The following IRAK4 variants were observed in gnomAD, a reference collection of about 807,000 sequenced individuals.
IRAK4 encodes interleukin-1 receptor-associated kinase 4.
A neutral mutation model predicts 51.8 loss-of-function variants in IRAK4; 44 were observed. The observed-to-expected ratio is 0.85, with a 90% confidence interval of 0.67 to 1.09. The LOEUF (loss-of-function observed/expected upper bound fraction) is 1.09. Among genes scored for constraint, IRAK4 ranks in the 50% least tolerant of loss-of-function variants. IRAK4 has a pLI of 0.00. For missense variants in IRAK4, 487 were observed against 538.0 expected, an observed-to-expected ratio of 0.91 and a Z score of 0.94; for synonymous variants, 149 against 174.1, an observed-to-expected ratio of 0.86 and a Z score of 1.13.
At chr12:43,782,559 A>G in intron 9 of IRAK4, 69 bp downstream of exon 9, 1 of 1,232,118 alleles carries the variant, frequency 8.1e-7, no homozygotes, top group Non-Finnish European at 1.2e-6. Flanking sequence ...AGAGAATATT[A>G]TTTAATACAC....
chr12:43,760,641 A>G (rs4251430), intron 1 of IRAK4, among the ~76,000 whole-genome samples: 2 of 152,180 alleles, frequency 1.3e-5, no homozygotes, highest in African/African-American at 2.4e-5. Context: ...TTTGTCCACA[A>G]ACTTTTCCCA....
intron 3 of IRAK4, 73 bp downstream of exon 3, chr12:43,771,438 T>C (rs1940751637): frequency 5.4e-6 from 8 of 1,472,920 alleles, no homozygotes; most frequent in Non-Finnish European, 7.6e-6. Context: ...ATGTTTCTTC[T>C]TACTCTTCCT....
chr12:43,768,041 A>C, intron 1 of IRAK4, 62 bp from the exon 2 acceptor site: 3 of 1,218,576 alleles, frequency 2.5e-6, no homozygotes, highest in East Asian at 2.4e-5. Context: ...GTGATATATA[A>C]GCTTACAGAT....
chr12:43,771,388 G>A (rs1940745590), intron 3 of IRAK4, 23 bp downstream of exon 3: 1 of 1,613,056 alleles, frequency 6.2e-7, no homozygotes, highest in South Asian at 1.1e-5. Context: ...TGACCAGGGT[G>A]TCCACAATTA....
chr12:43,770,607 C>T (rs758478246), intron 2 of IRAK4, among the ~76,000 whole-genome samples: 2 of 152,142 alleles, frequency 1.3e-5, no homozygotes, highest in Admixed American at 1.3e-4. Context: ...TCATCTTTGG[C>T]ATCTTTTTTC....
chr12:43,764,044 T>G (rs1478236141), intron 1 of IRAK4, among the ~76,000 whole-genome samples: 3 of 152,230 alleles, frequency 2.0e-5, no homozygotes, highest in Non-Finnish European at 4.4e-5. Context: ...ATTTTATTGT[T>G]GCTTCAACTG....
chr12:43,788,017 A>C lies in IRAK4; in HGVS notation c.*1302A>C, dbSNP rs554628455. 5.9e-5 allele frequency: 9 copies of C among 152,322 alleles called. No individual in the cohort carries two copies. The highest frequency in any genetic ancestry group is 1.2e-4 in the Non-Finnish European group (8 of 68,184). The allele number at this position is 152,322 out of a possible 1,614,324, so 9.4% of individuals were successfully genotyped here. A position where few individuals can be genotyped will look rare whatever the true frequency, so the allele number is the denominator to read the frequency against. ...GGTTGCAGTGAGCTGAGATCGTGCC[A>C]CTGCACTCCAGCCTGGGTGACAGAG... On this transcript the variant is annotated 3_prime_UTR_variant, in exon 12 of 12. Transcript: ENST00000613694.
intron 2 of IRAK4, among the ~76,000 whole-genome samples, chr12:43,770,025 ATTGGTGAATC>A (rs970800900): frequency 2.6e-5 from 4 of 152,208 alleles, no homozygotes; most frequent in Admixed American, 1.3e-4. Flanking sequence ...CAATTATTCA[ATTGGTGAATC>A]TAGGTGAATG....
chr12:43,782,326 G>A lies in IRAK4; in HGVS notation c.961G>A (p.Glu321Lys), dbSNP rs780917972. Residue 321 changes from glutamate to lysine, a missense_variant, in exon 9 of 12, where the codon GAA (glutamate) becomes AAA (lysine). Transcript: ENST00000613694. ...DIKSANILLD[E>K]AFTAKISDFG... ...TTTCAGTGCAAATATCTTACTGGAT[G>A]AAGCTTTTACTGCTAAAATATCTGA... 1 of 1,613,224 alleles carries A rather than the reference G, an allele frequency of 6.2e-7. No homozygotes were observed. The highest frequency in any genetic ancestry group is 8.5e-7 in the Non-Finnish European group (1 of 1,179,282).
At chr12:43,780,923 T>C (rs972657171) in intron 8 of IRAK4, among the ~76,000 whole-genome samples, 1 of 152,222 alleles carries the variant, frequency 6.6e-6, no homozygotes, top group African/African-American at 2.4e-5. Context: ...CTGCTACTTA[T>C]ATGTGAGTGT....
At chr12:43,777,780 G>A (rs779874942) in intron 7 of IRAK4, 36 bp downstream of exon 7, 21 of 1,477,844 alleles carry the variant, frequency 1.4e-5, no homozygotes, top group Non-Finnish European at 2.0e-5. Flanking sequence ...TTGGCTTTTT[G>A]TTTATATGCT....
intron 11 of IRAK4, 26 bp from the exon 12 acceptor site, chr12:43,786,654 T>C (rs1565689505): frequency 6.2e-7 from 1 of 1,612,346 alleles, no homozygotes; most frequent in Non-Finnish European, 8.5e-7. Flanking sequence ...ATGTGGTTCT[T>C]TTGTTTTTTT....
At chr12:43,771,561 A>G (rs1433794418) in intron 3 of IRAK4, among the ~76,000 whole-genome samples, 196 bp downstream of exon 3, 1 of 152,236 alleles carries the variant, frequency 6.6e-6, no homozygotes, top group African/African-American at 2.4e-5. Context: ...TGCTAAGGTG[A>G]TAGAAGCTTC....
At chr12:43,769,596 G>A (rs996425213) in intron 2 of IRAK4, among the ~76,000 whole-genome samples, 3 of 152,142 alleles carry the variant, frequency 2.0e-5, no homozygotes, top group African/African-American at 7.2e-5. Flanking sequence ...AGGCTGCAGT[G>A]AGCCATGATC....
chr12:43,766,728 A>G (rs1940188637), intron 1 of IRAK4, among the ~76,000 whole-genome samples: 1 of 152,164 alleles, frequency 6.6e-6, no homozygotes, highest in Non-Finnish European at 1.5e-5. Flanking sequence ...TGTAAAATAG[A>G]GATGATAAAA....
At position 43,773,203 on chromosome 12, in the gene IRAK4, A is replaced by T. The variant is rs1199586913; in HGVS notation, c.651+131A>T. On this transcript the variant is annotated intron_variant, in intron 5 of 11. Coordinates refer to ENST00000613694, the MANE Select transcript of IRAK4 (RefSeq NM_016123.4). Reference sequence around the variant, plus strand: ...TCTTTAAATAAACATCATTCTAAATAGTAGTTCTTAAAATTTTAAAATCTG... The same window carrying T: ...TCTTTAAATAAACATCATTCTAAATTGTAGTTCTTAAAATTTTAAAATCTG... The T allele has an allele frequency of 4.5e-6, 4 of 889,436 alleles. No individual in the cohort carries two copies. The East Asian group carries it at 1.1e-4, about 25-fold the overall frequency. The allele number at this position is 889,436 out of a possible 1,614,324, so 55.1% of individuals were successfully genotyped here. A position where few individuals can be genotyped will look rare whatever the true frequency, so the allele number is the denominator to read the frequency against.
At chr12:43,767,811 G>C (rs888613093) in intron 1 of IRAK4, among the ~76,000 whole-genome samples, 18 of 152,030 alleles carry the variant, frequency 1.2e-4, no homozygotes, top group African/African-American at 4.3e-4. Flanking sequence ...TAAGTTTTTT[G>C]CCCCTTTCTA....
At position 43,769,326 on chromosome 12, in the gene IRAK4, GGTT is replaced by G. The variant is rs4251461; in HGVS notation, c.161+1058_161+1060del. Among the ~76,000 whole-genome samples, 1,393 of 152,274 alleles carry G rather than the reference GGTT, an allele frequency of 9.1e-3. 21 individuals carry two copies. The highest frequency in any genetic ancestry group is 0.031 in the African/African-American group (1,304 of 41,542). ...AACCTAAAAGCATAAGGTGAAAGGT[GGTT>G]GTTCTCGTGCATGTGAGCAGGATAT... On this transcript the variant is annotated intron_variant, in intron 2 of 11. Transcript: ENST00000613694.
chr12:43,785,597 A>C (rs1422723060), intron 10 of IRAK4, among the ~76,000 whole-genome samples: 2 of 149,136 alleles, frequency 1.3e-5, no homozygotes, highest in African/African-American at 4.9e-5. Flanking sequence ...TAAATAATTA[A>C]ATATACATTT....
Sources: gnomAD v4.1 joint callset for allele counts (sites outside exome capture counted in the v4.1 genomes callset) on GRCh38, gnomAD v4.1.1 for gene constraint, MANE v1.5 for transcripts, NCBI Gene and HGNC (gene_info 2026-07-23, HGNC 2026-07-21) for gene names.